Variants in HNF4G observed in about 807,000 individuals in gnomAD.
The protein encoded by HNF4G is hepatocyte nuclear factor 4-gamma.
A neutral mutation model predicts 50.9 loss-of-function variants in HNF4G; 21 were observed. That is an observed-to-expected ratio of 0.41 (90% CI 0.29 to 0.59). HNF4G has a LOEUF of 0.59. Among genes scored for constraint, HNF4G ranks in the 20% least tolerant of loss-of-function variants. HNF4G has a pLI of 0.26. For missense variants in HNF4G, 527 were observed against 559.4 expected (o/e 0.94, Z 0.58); for synonymous variants, 198 against 185.6 (o/e 1.07, Z -0.54).
At position 75,499,503 on chromosome 8, in the gene HNF4G, CT is replaced by C. The variant is rs550310395; in HGVS notation, c.-24+9303del. On this transcript the variant is annotated intron_variant, in intron 2 of 10. Transcript: ENST00000354370. ...ATAGTCCTAACAAAATTCCAGTTGT[CT>C]TTTTTTTGCAGACCTTGACAAGCTG... Among the ~76,000 whole-genome samples the C allele has an allele frequency of 7.3e-5, 11 of 151,562 alleles. No individual in the cohort carries two copies. In the East Asian group the frequency reaches 9.7e-4, roughly 13 times the overall value.
chr8:75,544,655 T>C (rs567090993), intron 2 of HNF4G, among the ~76,000 whole-genome samples: 46 of 152,006 alleles, frequency 3.0e-4, no homozygotes, highest in African/African-American at 1.1e-3. Flanking sequence ...CTTGGGTTTT[T>C]TTTTTTTGAT....
At chr8:75,542,739 C>CT (rs141880970) in intron 1 of HNF4G, among the ~76,000 whole-genome samples, 5,581 of 152,044 alleles carry the variant, frequency 0.037, 114 homozygotes, top group South Asian at 0.056. Context: ...ATATGAATTA[C>CT]TACAGCAATA....
At chr8:75,444,244 C>A (rs1301188556) in intron 1 of HNF4G, among the ~76,000 whole-genome samples, 8 of 151,832 alleles carry the variant, frequency 5.3e-5, no homozygotes, top group Non-Finnish European at 1.0e-4. Flanking sequence ...ATTTTGTCAC[C>A]ACCAAGCCTG....
chr8:75,541,991 A>T (rs945097149), intron 1 of HNF4G, among the ~76,000 whole-genome samples: 13 of 152,100 alleles, frequency 8.5e-5, no homozygotes, highest in African/African-American at 3.1e-4. Flanking sequence ...AAAGTTATAT[A>T]AAAAACTAAG....
chr8:75,425,062 CTATTTATTTATTTATTTATT>C (rs71271860), intron 1 of HNF4G, among the ~76,000 whole-genome samples: 17 of 142,580 alleles, frequency 1.2e-4, no homozygotes, highest in African/African-American at 4.2e-4. Context: ...TCAATGCAGC[CTATTTATTTATTTATTTATT>C]TATTTATTTA....
Position 75,544,554 on chromosome 8 carries a change from A to C in HNF4G, c.287+575A>C, listed in dbSNP as rs182823421. On this transcript the variant is annotated intron_variant, in intron 2 of 9. Transcript: ENST00000396423. Reference sequence around the variant, plus strand: ...TCCTAAAATTTAGAATGTATTTCTCATGCCATATTTTTTGTCATTAAATTT... The same window carrying C: ...TCCTAAAATTTAGAATGTATTTCTCCTGCCATATTTTTTGTCATTAAATTT... Among the ~76,000 whole-genome samples, 177 of 152,178 alleles carry C rather than the reference A, an allele frequency of 1.2e-3. 1 individual carries two copies. Among genetic ancestry groups the C allele is most frequent in the Non-Finnish European group, 7.4e-4 (50 of 68,000 alleles).
chr8:75,477,245 G>C (rs779166438), intron 1 of HNF4G, among the ~76,000 whole-genome samples: 1 of 152,128 alleles, frequency 6.6e-6, no homozygotes, highest in Non-Finnish European at 1.5e-5. Flanking sequence ...TGTTCCCCAT[G>C]GTCAGAGCCT....
intron 2 of HNF4G, among the ~76,000 whole-genome samples, chr8:75,545,521 T>A (rs913739837): frequency 6.6e-6 from 1 of 152,130 alleles, no homozygotes; most frequent in African/African-American, 2.4e-5. Flanking sequence ...TGATTTTTCA[T>A]TTGGAAAATG....
At chr8:75,474,362 A>G (rs79108622) in intron 1 of HNF4G, among the ~76,000 whole-genome samples, 200 of 152,314 alleles carry the variant, frequency 1.3e-3, no homozygotes, top group African/African-American at 4.5e-3. Flanking sequence ...CATACTCTTT[A>G]TATGCCCTAA....
At chr8:75,457,647 A>G (rs1315981692) in intron 1 of HNF4G, among the ~76,000 whole-genome samples, 3 of 152,222 alleles carry the variant, frequency 2.0e-5, no homozygotes, top group Admixed American at 6.6e-5. Context: ...AGTGAATCTA[A>G]TAGGTGGATC....
intron 1 of HNF4G, among the ~76,000 whole-genome samples, chr8:75,433,532 T>G (rs893677999): frequency 1.3e-5 from 2 of 152,110 alleles, no homozygotes; most frequent in Non-Finnish European, 2.9e-5. Flanking sequence ...TGATTGATTT[T>G]TAAATGTTTT....
chr8:75,563,187 T>C (rs1284185601), intron 9 of HNF4G, among the ~76,000 whole-genome samples: 1 of 152,140 alleles, frequency 6.6e-6, no homozygotes, highest in African/African-American at 2.4e-5. Context: ...ACAATAAGCG[T>C]GAGTACTAAA....
intron 1 of HNF4G, among the ~76,000 whole-genome samples, chr8:75,451,535 G>A (rs1335181342): frequency 6.6e-6 from 1 of 152,104 alleles, no homozygotes; most frequent in Non-Finnish European, 1.5e-5. Flanking sequence ...ATGAGATGAA[G>A]GTTAAGTTTC....
intron 1 of HNF4G, among the ~76,000 whole-genome samples, chr8:75,437,672 T>G (rs1811170765): frequency 6.6e-6 from 1 of 151,658 alleles, no homozygotes; most frequent in Non-Finnish European, 1.5e-5. Flanking sequence ...AGACTCCGTC[T>G]CAAAAAAATA....
intron 2 of HNF4G, among the ~76,000 whole-genome samples, chr8:75,503,987 C>T (rs759235176): frequency 6.6e-6 from 1 of 151,958 alleles, no homozygotes; most frequent in Non-Finnish European, 1.5e-5. Context: ...ATTGGGAGGC[C>T]GAGGCAGGTG....
rs541888817 is a variant in HNF4G at position 75,455,944 on chromosome 8, A to G, written c.-143-34145A>G. Among the ~76,000 whole-genome samples, 37 of 152,266 alleles carry G rather than the reference A, an allele frequency of 2.4e-4. No homozygotes were observed. In the East Asian group the frequency reaches 6.4e-3, roughly 26 times the overall value. ...CTTAATTTAATTAACTAATAGAATC[A>G]TTACTAATTCTATAGAATTAGATAT... On this transcript the variant is annotated intron_variant, in intron 1 of 10. Coordinates refer to the HNF4G transcript ENST00000354370.
intron 1 of HNF4G, among the ~76,000 whole-genome samples, chr8:75,472,660 G>A (rs1171492000): frequency 6.6e-6 from 1 of 151,602 alleles, no homozygotes; most frequent in Non-Finnish European, 1.5e-5. Flanking sequence ...TAAAAGATGA[G>A]GAAAGTAAAG....
At chr8:75,422,638 CTT>C (rs761072653) in intron 1 of HNF4G, among the ~76,000 whole-genome samples, 2 of 145,900 alleles carry the variant, frequency 1.4e-5, no homozygotes, top group African/African-American at 2.5e-5. Flanking sequence ...GCTGCATTAT[CTT>C]TTTTTTTTTT....
chr8:75,469,231 G>C (rs902225863), intron 1 of HNF4G, among the ~76,000 whole-genome samples: 1 of 152,100 alleles, frequency 6.6e-6, no homozygotes, highest in Non-Finnish European at 1.5e-5. Context: ...ATGTTCATTC[G>C]CATTTCCTTA....
Sources: allele counts gnomAD v4.1 joint callset (sites outside exome capture counted in the v4.1 genomes callset), GRCh38; gene constraint gnomAD v4.1.1; transcripts MANE v1.5; gene names NCBI Gene and HGNC (gene_info 2026-07-23, HGNC 2026-07-21).